GPHN: variants seen among roughly 807,000 people sequenced by gnomAD.
GPHN encodes gephyrin.
Under a neutral mutation model 95.5 loss-of-function variants are expected in GPHN, and 17 were observed. That is an observed-to-expected ratio of 0.18 (90% CI 0.12 to 0.27). The LOEUF is 0.27. Among genes scored for constraint, GPHN ranks in the 10% least tolerant of loss-of-function variants. The probability of loss-of-function intolerance (pLI) is 1.00; values close to 1 mark genes in which losing one functional copy is unlikely to be tolerated. For synonymous variants in GPHN, 320 were observed against 322.5 expected (o/e 0.99, Z 0.08); for missense variants, 660 against 978.1 (o/e 0.67, Z 4.34).
chr14:67,197,817 T>G, the GPHN span, among the ~76,000 whole-genome samples: 6 of 152,194 alleles, frequency 3.9e-5, no homozygotes, highest in African/African-American at 1.4e-4. Flanking sequence ...GCTACCCTAA[T>G]AGGTGTCTCC....
intron 8 of GPHN, among the ~76,000 whole-genome samples, chr14:66,958,466 T>A (rs1486825942): frequency 6.6e-6 from 1 of 152,250 alleles, no homozygotes; most frequent in East Asian, 1.9e-4. Context: ...TCAGTGATTT[T>A]GTTTTTATGC....
the GPHN span, among the ~76,000 whole-genome samples, chr14:67,653,036 G>A: frequency 4.7e-4 from 72 of 152,252 alleles, 1 homozygote; most frequent in African/African-American, 1.6e-3. Context: ...TGATCTGCCC[G>A]CTTCAGCCTC....
chr14:67,201,318 T>A, the GPHN span: 4 of 351,884 alleles, frequency 1.1e-5, no homozygotes, highest in Non-Finnish European at 2.2e-5. Flanking sequence ...TAAATATTTT[T>A]AAAAAAATTT....
chr14:67,181,024 G>A lies in GPHN; in HGVS notation c.*87G>A, dbSNP rs1197734553. The A allele has an allele frequency of 9.1e-6, 12 of 1,311,554 alleles. No individual in the cohort carries two copies. Among genetic ancestry groups the A allele is most frequent in the South Asian group, 2.4e-5 (2 of 83,256 alleles). 81.2% of individuals were successfully genotyped at this position (1,311,554 alleles called of 1,614,324 possible). On this transcript the variant is annotated 3_prime_UTR_variant, in exon 23 of 23. Coordinates refer to ENST00000478722, the MANE Select transcript of GPHN (RefSeq NM_020806.5). ...ATGCAACGGCACAGCTAGTTTTCCC[G>A]ATTTGGATAAAAGTTGATCTGTATA...
intron 1 of GPHN, among the ~76,000 whole-genome samples, chr14:66,616,311 T>A (rs1213755700): frequency 6.7e-6 from 1 of 149,992 alleles, no homozygotes; most frequent in Non-Finnish European, 1.5e-5. Flanking sequence ...TTTCGGGTTT[T>A]CAGCATTTTT....
chr14:67,151,887 G>A lies in GPHN; in HGVS notation c.1837-7528G>A, dbSNP rs960140164. Among the ~76,000 whole-genome samples the A allele has an allele frequency of 7.2e-5, 11 of 152,040 alleles. No homozygotes were observed. The East Asian group carries it at 1.5e-3, about 21-fold the overall frequency. ...TCGAACTCCTGGCCTCGAGTGATCC[G>A]CCTGCCTCAGCCTCCCAGAGTGCTG... is the stretch of plus-strand genomic sequence containing the variant. On this transcript the variant is annotated intron_variant, in intron 18 of 22. Transcript: ENST00000478722.
the GPHN span, among the ~76,000 whole-genome samples, chr14:67,233,827 A>G: frequency 1.3e-5 from 2 of 152,246 alleles, no homozygotes; most frequent in Non-Finnish European, 2.9e-5. Context: ...GTCAGAATCA[A>G]TAGTTCTGCC....
intron 8 of GPHN, among the ~76,000 whole-genome samples, chr14:66,954,239 TAAC>T (rs2068329623): frequency 6.6e-6 from 1 of 152,192 alleles, no homozygotes; most frequent in Non-Finnish European, 1.5e-5. Flanking sequence ...ATTACCATCT[TAAC>T]AATATTAAGT....
At position 66,508,196 on chromosome 14, in the gene GPHN, A is replaced by G; in HGVS notation, c.-332A>G. The G allele has an allele frequency of 2.0e-6, 1 of 500,576 alleles. No homozygotes were observed. The highest frequency in any genetic ancestry group is 3.7e-6 in the Non-Finnish European group (1 of 273,598). The allele number at this position is 500,576 out of a possible 1,614,324, so 31.0% of individuals were successfully genotyped here. On this transcript the variant is annotated 5_prime_UTR_variant, in exon 1 of 23. Coordinates refer to ENST00000478722, the MANE Select transcript of GPHN (RefSeq NM_020806.5). ...AGCTGCCTTGGGTCTCGCGCTCCGC[A>G]GAGCGTTCCGACACTCTCCGGCCTC... is the stretch of plus-strand genomic sequence containing the variant.
chr14:66,625,524 C>G (rs1371722856), intron 1 of GPHN, among the ~76,000 whole-genome samples: 2 of 151,942 alleles, frequency 1.3e-5, no homozygotes. Flanking sequence ...TTCCTATTGT[C>G]TGCCTTTTGT....
intron 1 of GPHN, among the ~76,000 whole-genome samples, chr14:66,584,513 T>C (rs947430821): frequency 2.6e-5 from 4 of 152,160 alleles, no homozygotes; most frequent in Non-Finnish European, 4.4e-5. Context: ...AGTATAATAT[T>C]GGCTGTGGGT....
the GPHN span, among the ~76,000 whole-genome samples, chr14:67,531,389 T>G: frequency 0.51 from 77,391 of 151,822 alleles, 20,110 homozygotes; most frequent in Non-Finnish European, 0.55. Flanking sequence ...TAATGTAGGG[T>G]TCAGTCCACC....
chr14:66,900,604 T>A (rs1415758288), intron 5 of GPHN, among the ~76,000 whole-genome samples: 1 of 151,908 alleles, frequency 6.6e-6, no homozygotes, highest in African/African-American at 2.4e-5. Context: ...TGAGATTCAC[T>A]TTTTTAGCCC....
At chr14:67,217,115 A>T in the GPHN span, among the ~76,000 whole-genome samples, 1 of 151,806 alleles carries the variant, frequency 6.6e-6, no homozygotes, top group Non-Finnish European at 1.5e-5. Flanking sequence ...TACAATTGTT[A>T]TATCTTCACG....
At chr14:67,392,726 C>A in the GPHN span, 1 of 1,614,204 alleles carries the variant, frequency 6.2e-7, no homozygotes, top group Non-Finnish European at 8.5e-7. Context: ...GCGAATGGCT[C>A]CCATGCTTCG....
chr14:67,192,437 T>A, the GPHN span, among the ~76,000 whole-genome samples: 1 of 152,062 alleles, frequency 6.6e-6, no homozygotes, highest in Non-Finnish European at 1.5e-5. Context: ...TCACCAAAGT[T>A]AATTATGATA....
chr14:66,769,516 C>A (rs548969846), intron 2 of GPHN, among the ~76,000 whole-genome samples: 339 of 152,086 alleles, frequency 2.2e-3, no homozygotes, highest in African/African-American at 7.7e-3. Flanking sequence ...GTGTTGTTCC[C>A]TTCTATGTGT....
At chr14:67,603,368 C>G in the GPHN span, among the ~76,000 whole-genome samples, 1 of 152,150 alleles carries the variant, frequency 6.6e-6, no homozygotes, top group Non-Finnish European at 1.5e-5. Flanking sequence ...CCATGCCCAG[C>G]AGGCTAAGAA....
At chr14:66,798,215 T>A (rs1014616594) in intron 3 of GPHN, among the ~76,000 whole-genome samples, 2 of 152,020 alleles carry the variant, frequency 1.3e-5, no homozygotes, top group African/African-American at 4.8e-5. Context: ...TATTGCTGAA[T>A]TCATTTTACT....
Sources: allele counts gnomAD v4.1 joint callset (sites outside exome capture counted in the v4.1 genomes callset), GRCh38; gene constraint gnomAD v4.1.1; transcripts MANE v1.5; gene names NCBI Gene and HGNC (gene_info 2026-07-23, HGNC 2026-07-21).